The following PDE3A variants were observed in gnomAD, a reference collection of about 807,000 sequenced individuals.
PDE3A encodes cGMP-inhibited 3',5'-cyclic phosphodiesterase 3A.
PDE3A carries 43 observed loss-of-function variants against 98.3 expected under a neutral mutation model. That is an observed-to-expected ratio of 0.44 (90% CI 0.34 to 0.56). The LOEUF is 0.56. Ranked by LOEUF, PDE3A falls within the 20% of genes least tolerant of loss-of-function variation. The pLI is 0.01. For synonymous variants in PDE3A, 663 were observed against 567.9 expected (o/e 1.17, Z -2.38); for missense variants, 1,427 against 1,440.7 (o/e 0.99, Z 0.15).
rs771714240 is a variant in PDE3A at position 20,666,086 on chromosome 12, GC to G, written c.3184+11887del. 6.2e-4 allele frequency among the ~76,000 whole-genome samples: 93 copies of G among 149,652 alleles called. No individual in the cohort carries two copies. The Middle Eastern group carries it at 0.011, about 17-fold the overall frequency. On this transcript the variant is annotated intron_variant, in intron 15 of 15. Transcript: ENST00000359062. Reference sequence around the variant, plus strand: ...GGGTTGAAGTGATTCTCCTGCCTCAGCCCCCCAAGTAGCTAGGACAGGCATA... The same window carrying G: ...GGGTTGAAGTGATTCTCCTGCCTCAGCCCCCAAGTAGCTAGGACAGGCATA...
intron 1 of PDE3A, among the ~76,000 whole-genome samples, chr12:20,515,428 T>TC (rs1180824554): frequency 6.6e-6 from 1 of 152,222 alleles, no homozygotes; most frequent in East Asian, 1.9e-4. Flanking sequence ...AGTGTAAAAC[T>TC]CCTTAGCTTA....
At chr12:20,575,708 G>T (rs2121324729) in intron 2 of PDE3A, among the ~76,000 whole-genome samples, 1 of 151,952 alleles carries the variant, frequency 6.6e-6, no homozygotes, top group Admixed American at 6.6e-5. Context: ...ACAAGGTCCT[G>T]TTAATTTTAG....
At chr12:20,607,769 C>T (rs1943748355) in intron 2 of PDE3A, among the ~76,000 whole-genome samples, 1 of 151,896 alleles carries the variant, frequency 6.6e-6, no homozygotes, top group Non-Finnish European at 1.5e-5. Flanking sequence ...TAAGAAGACT[C>T]AACTGCGATT....
intron 1 of PDE3A, among the ~76,000 whole-genome samples, chr12:20,372,183 A>G (rs1210094467): frequency 6.6e-6 from 1 of 152,196 alleles, no homozygotes; most frequent in East Asian, 1.9e-4. Flanking sequence ...TGAATTATCT[A>G]CGAAGTTATC....
chr12:20,503,582 T>C lies in PDE3A; in HGVS notation c.961-53078T>C, dbSNP rs1262570644. ...AATTATATAGATGCATATTGATCAT[T>C]CCCTATTATATAGAGTGATCTAATT... On this transcript the variant is annotated intron_variant, in intron 1 of 15. Transcript: ENST00000359062. 3.3e-5 allele frequency among the ~76,000 whole-genome samples: 5 copies of C among 152,108 alleles called. No individual in the cohort carries two copies. In the East Asian group the frequency reaches 9.6e-4, roughly 29 times the overall value.
chr12:20,682,817 T>TAACA lies in PDE3A; in HGVS notation c.*2547_*2550dup, dbSNP rs1945828722. 6.6e-6 allele frequency: 1 copy of TAACA among 152,212 alleles called. No homozygotes were observed. The highest frequency in any genetic ancestry group is 6.5e-5 in the Admixed American group (1 of 15,282). The allele number at this position is 152,212 out of a possible 1,614,324, so 9.4% of individuals were successfully genotyped here. Reference sequence around the variant, plus strand: ...CCCATTTTCCAAATGCGTCCATCTCTAACATAAATATTAATTGAACATAGA... The same window carrying TAACA: ...CCCATTTTCCAAATGCGTCCATCTCTAACAAACATAAATATTAATTGAACATAGA... On this transcript the variant is annotated 3_prime_UTR_variant, in exon 16 of 16. Transcript: ENST00000359062.
At chr12:20,491,235 G>T (rs777566644) in intron 1 of PDE3A, among the ~76,000 whole-genome samples, 1 of 152,182 alleles carries the variant, frequency 6.6e-6, no homozygotes, top group Non-Finnish European at 1.5e-5. Context: ...ATCTAGCAGT[G>T]CAGGCTTTAT....
chr12:20,572,137 T>C, intron 2 of PDE3A: 1 of 1,280,590 alleles, frequency 7.8e-7, no homozygotes, highest in African/African-American at 1.5e-5. Context: ...ATGGTGACGA[T>C]ATTTTCCAAA....
At chr12:20,538,559 G>C (rs1418921351) in intron 1 of PDE3A, among the ~76,000 whole-genome samples, 6 of 152,160 alleles carry the variant, frequency 3.9e-5, no homozygotes, top group East Asian at 1.9e-4. Context: ...TGAGAACCAG[G>C]GTTCTGTGAA....
intron 1 of PDE3A, among the ~76,000 whole-genome samples, chr12:20,450,489 T>C (rs893488771): frequency 1.3e-5 from 2 of 152,258 alleles, no homozygotes; most frequent in African/African-American, 4.8e-5. Flanking sequence ...TTAATAATTG[T>C]GTTTAAAATA....
intron 2 of PDE3A, among the ~76,000 whole-genome samples, chr12:20,601,443 C>G (rs1943589229): frequency 6.6e-6 from 1 of 151,698 alleles, no homozygotes; most frequent in South Asian, 2.1e-4. Flanking sequence ...AGGAAAAAGT[C>G]TAGTGTTGAT....
intron 5 of PDE3A, among the ~76,000 whole-genome samples, chr12:20,626,356 A>G (rs1041721778): frequency 7.1e-6 from 1 of 140,448 alleles, no homozygotes; most frequent in Non-Finnish European, 1.5e-5. Context: ...GATAATGCAC[A>G]CTAGGAAAAA....
At position 20,685,470 on chromosome 12, in the gene PDE3A, A is replaced by G. The variant is rs1163981553; in HGVS notation, c.*5199A>G. ...GCAAAATATGAAGACACGAAACTGA[A>G]GATAAAGGCTTCATTTCCATAGTGG... On this transcript the variant is annotated 3_prime_UTR_variant, in exon 16 of 16. Coordinates refer to ENST00000359062, the MANE Select transcript of PDE3A (RefSeq NM_000921.5). Among the ~76,000 whole-genome samples, 1 of 151,960 alleles carries G rather than the reference A, an allele frequency of 6.6e-6. No individual in the cohort carries two copies. Among genetic ancestry groups the G allele is most frequent in the Non-Finnish European group, 1.5e-5 (1 of 67,994 alleles).
chr12:20,414,750 T>C (rs1434353872), intron 1 of PDE3A, among the ~76,000 whole-genome samples: 1 of 152,212 alleles, frequency 6.6e-6, no homozygotes, highest in Non-Finnish European at 1.5e-5. Context: ...TGTCTTTTTC[T>C]TCTGAGCCAA....
intron 1 of PDE3A, chr12:20,551,605 G>C: frequency 1.9e-6 from 3 of 1,560,656 alleles, no homozygotes; most frequent in Non-Finnish European, 2.6e-6. Context: ...GGGCCGGCAG[G>C]ACCCCGACAA....
chr12:20,646,624 C>T, intron 11 of PDE3A, 21 bp downstream of exon 11: 3 of 1,435,072 alleles, frequency 2.1e-6, no homozygotes, highest in Non-Finnish European at 2.9e-6. Context: ...AGTGAATCTG[C>T]ACTGCCTTAT....
intron 9 of PDE3A, among the ~76,000 whole-genome samples, chr12:20,637,651 C>G (rs187668647): frequency 1.3e-5 from 2 of 152,012 alleles, no homozygotes; most frequent in Non-Finnish European, 2.9e-5. Flanking sequence ...GAGCTTAGGC[C>G]TTATCAAAGA....
chr12:20,379,668 C>T (rs1439361543), intron 1 of PDE3A, among the ~76,000 whole-genome samples: 2 of 151,508 alleles, frequency 1.3e-5, no homozygotes, highest in Non-Finnish European at 3.0e-5. Flanking sequence ...TATTTATCTC[C>T]CCATTCTCCT....
chr12:20,458,609 G>A (rs1002835494), intron 1 of PDE3A, among the ~76,000 whole-genome samples: 3 of 152,078 alleles, frequency 2.0e-5, no homozygotes, highest in Non-Finnish European at 2.9e-5. Context: ...AGAAAAAACT[G>A]GCAAGAATGC....
Sources: allele counts gnomAD v4.1 joint callset (sites outside exome capture counted in the v4.1 genomes callset), GRCh38; gene constraint gnomAD v4.1.1; transcripts MANE v1.5; gene names NCBI Gene and HGNC (gene_info 2026-07-23, HGNC 2026-07-21).